The following TMIGD3 variants were observed in gnomAD, a reference collection of about 807,000 sequenced individuals.
The protein encoded by TMIGD3 is AD026 protein (AD026).
A neutral mutation model predicts 28.1 loss-of-function variants in TMIGD3; 21 were observed. That is an observed-to-expected ratio of 0.75 (90% CI 0.53 to 1.08). TMIGD3 has a LOEUF of 1.08. Among genes scored for constraint, TMIGD3 ranks in the 50% least tolerant of loss-of-function variants. The pLI, the probability that TMIGD3 is intolerant of heterozygous loss-of-function variation, is 0.00. For synonymous variants in TMIGD3, 151 were observed against 162.1 expected (o/e 0.93, Z 0.52); for missense variants, 416 against 435.6 (o/e 0.96, Z 0.40).
chr1:111,555,362 T>TAAAAAAAAAAA lies in TMIGD3; in HGVS notation c.107+8473_107+8483dup, dbSNP rs397981230. Among the ~76,000 whole-genome samples, 24 of 47,640 alleles carry TAAAAAAAAAAA rather than the reference T, an allele frequency of 5.0e-4. 1 individual carries two copies. The highest frequency in any genetic ancestry group is 2.6e-3 in the African/African-American group (22 of 8,386). The allele number at this position is 47,640 out of a possible 152,430, so 31.3% of individuals were successfully genotyped here. On this transcript the variant is annotated intron_variant, in intron 1 of 5. Transcript: ENST00000369717. ...GCCTGGGTGACAGACTGAGACTCTGTAAAAAAAAAAAAAAAAAAAAAAAAA... is the reference window on the plus strand; with the variant it reads ...GCCTGGGTGACAGACTGAGACTCTGTAAAAAAAAAAAAAAAAAAAAAAAAAAAAAAAAAAAA...
chr1:111,490,798 T>C (rs370603342), intron 1 of TMIGD3, 36 bp from the exon 2 acceptor site: 5 of 1,514,686 alleles, frequency 3.3e-6, no homozygotes, highest in Non-Finnish European at 3.7e-6. Flanking sequence ...GAGCTTAATA[T>C]GGCTTTATCC....
intron 1 of TMIGD3, among the ~76,000 whole-genome samples, chr1:111,555,498 G>A (rs1657453667): frequency 6.7e-6 from 1 of 149,534 alleles, no homozygotes; most frequent in Admixed American, 6.7e-5. Context: ...GACTCACCCA[G>A]AAGAATTAGT....
chr1:111,504,564 G>A (rs779227452), upstream of TMIGD3, among the ~76,000 whole-genome samples: 5 of 152,210 alleles, frequency 3.3e-5, no homozygotes, highest in African/African-American at 1.2e-4. Context: ...TTTTAACCAG[G>A]CGTGTTAGAG....
Position 111,488,688 on chromosome 1 carries a change from C to T in TMIGD3, c.794G>A (p.Trp265Ter), listed in dbSNP as rs201598880. Residue 265 changes from tryptophan (W) to a stop codon, truncating the protein, a stop_gained, in exon 3 of 6, where the codon TGG becomes TAG. Coordinates refer to ENST00000369716, the MANE Select transcript of TMIGD3 (RefSeq NM_020683.7). LOFTEE classifies it high-confidence loss of function. ...DDKGTLANDFWSGKDLSGNKT... is the reference protein window; with the variant it reads ...DDKGTLANDF ...GGCAGGCTCCTTACCTTTCCCAGACCAAAAGTCATTGGCCAGGGTTCCTTT... is the reference window on the plus strand; with the variant it reads ...GGCAGGCTCCTTACCTTTCCCAGACTAAAAGTCATTGGCCAGGGTTCCTTT... The T allele has an allele frequency of 6.2e-7, 1 of 1,613,286 alleles. No individual in the cohort carries two copies. The highest frequency in any genetic ancestry group is 8.5e-7 in the Non-Finnish European group (1 of 1,179,316).
chr1:111,535,610 C>T (rs533674635), intron 1 of TMIGD3, among the ~76,000 whole-genome samples: 15 of 152,294 alleles, frequency 9.8e-5, no homozygotes, highest in African/African-American at 3.4e-4. Context: ...TTTAATTGCC[C>T]CTTGTCTTAC....
At chr1:111,508,839 G>A (rs1391984882) in intron 1 of TMIGD3, among the ~76,000 whole-genome samples, 1 of 152,242 alleles carries the variant, frequency 6.6e-6, no homozygotes, top group Non-Finnish European at 1.5e-5. Context: ...GCTCATGCCT[G>A]TAATCTCAGC....
chr1:111,524,028 C>CTTTTTTTTTTTTTTTTTT (rs35046603), intron 1 of TMIGD3, among the ~76,000 whole-genome samples: 5 of 108,792 alleles, frequency 4.6e-5, no homozygotes, highest in African/African-American at 1.0e-4. Flanking sequence ...TCTTTCTTTT[C>CTTTTTTTTTTTTTTTTTT]TTTTTTTTTT....
At chr1:111,541,052 CAT>C (rs1429991013) in intron 1 of TMIGD3, among the ~76,000 whole-genome samples, 1 of 152,148 alleles carries the variant, frequency 6.6e-6, no homozygotes, top group Admixed American at 6.5e-5. Flanking sequence ...CTAGACTCTG[CAT>C]AGTCTCTGTC....
At chr1:111,512,790 G>T (rs1056258489) in intron 1 of TMIGD3, among the ~76,000 whole-genome samples, 3 of 151,936 alleles carry the variant, frequency 2.0e-5, no homozygotes, top group African/African-American at 7.2e-5. Flanking sequence ...ATACAGACTT[G>T]TTGGGAAGCC....
chr1:111,496,054 G>A (rs1187495223), intron 1 of TMIGD3, among the ~76,000 whole-genome samples: 2 of 152,028 alleles, frequency 1.3e-5, no homozygotes, highest in East Asian at 1.9e-4. Context: ...TAATTGTTGG[G>A]TACTAGGCTT....
chr1:111,486,510 T>C (rs1654380840), intron 4 of TMIGD3, 76 bp downstream of exon 4: 2 of 1,117,920 alleles, frequency 1.8e-6, no homozygotes, highest in Non-Finnish European at 2.7e-6. Context: ...AACTGTCATA[T>C]CATACTGCTG....
intron 1 of TMIGD3, among the ~76,000 whole-genome samples, chr1:111,561,902 C>T (rs1657755595): frequency 6.6e-6 from 1 of 152,124 alleles, no homozygotes; most frequent in Admixed American, 6.6e-5. Context: ...AACACTCCTC[C>T]CCATCTCCTC....
intron 1 of TMIGD3, among the ~76,000 whole-genome samples, chr1:111,538,294 C>T (rs1439115313): frequency 6.6e-6 from 1 of 152,170 alleles, no homozygotes; most frequent in Non-Finnish European, 1.5e-5. Flanking sequence ...CTCAAGTTGA[C>T]CATACAGGGA....
In TMIGD3 at chr1:111,486,671, G is replaced by T. The variant is rs755799415; in HGVS notation, c.806-19C>A. On this transcript the variant is annotated intron_variant, in intron 3 of 5. Transcript: ENST00000369716. ...GATAGGTCTGAATCAGAAAGGATTT[G>T]TTAAGTCAGGTGAGGCCCATAGCCA... 1.2e-5 allele frequency: 19 copies of T among 1,610,492 alleles called. No homozygotes were observed. Among genetic ancestry groups the T allele is most frequent in the African/African-American group, 2.7e-5 (2 of 74,838 alleles).
At chr1:111,523,130 G>A (rs1656136173) in intron 1 of TMIGD3, among the ~76,000 whole-genome samples, 1 of 152,140 alleles carries the variant, frequency 6.6e-6, no homozygotes, top group Non-Finnish European at 1.5e-5. Context: ...TTTCACAGAT[G>A]CCTTATATCC....
intron 1 of TMIGD3, among the ~76,000 whole-genome samples, chr1:111,495,437 G>A (rs1654848344): frequency 2.0e-5 from 3 of 152,178 alleles, no homozygotes; most frequent in Non-Finnish European, 4.4e-5. Flanking sequence ...CAGTCAGAAT[G>A]GCTATTATGA....
chr1:111,509,610 C>T (rs539398277), intron 1 of TMIGD3, among the ~76,000 whole-genome samples: 6 of 152,342 alleles, frequency 3.9e-5, no homozygotes, highest in African/African-American at 1.4e-4. Flanking sequence ...TAACCTGCTA[C>T]CTACCAAATG....
In TMIGD3 at chr1:111,503,217, G is replaced by A. The variant is rs555209778; in HGVS notation, c.138C>T (p.Thr46=). Residue 46 remains threonine, a synonymous_variant, in exon 1 of 6, where the codon ACC becomes ACT. Coordinates refer to ENST00000369716, the MANE Select transcript of TMIGD3 (RefSeq NM_020683.7). ...CTAGAGAGACAATGAAATAGAAGGT[G>A]GTGGTCTGCAGGCTGGGGTTCAGCT... ...VVKLNPSLQT[T]TFYFIVSLAL... The A allele has an allele frequency of 2.5e-6, 4 of 1,614,252 alleles. No homozygotes were observed. The African/African-American group carries it at 4.0e-5, about 16-fold the overall frequency.
intron 1 of TMIGD3, among the ~76,000 whole-genome samples, chr1:111,553,923 T>C (rs988358637): frequency 1.3e-5 from 2 of 152,218 alleles, no homozygotes; most frequent in African/African-American, 4.8e-5. Context: ...TGAATATATA[T>C]TGTGTTATTT....
Sources: gnomAD v4.1 joint callset for allele counts (sites outside exome capture counted in the v4.1 genomes callset) on GRCh38, gnomAD v4.1.1 for gene constraint, MANE v1.5 for transcripts, NCBI Gene and HGNC (gene_info 2026-07-23, HGNC 2026-07-21) for gene names.